PTPN18: variants seen among roughly 807,000 people sequenced by gnomAD.
PTPN18 encodes tyrosine-protein phosphatase non-receptor type 18.
In PTPN18, 65 loss-of-function variants were observed where a neutral mutation model predicts 65.4. That is an observed-to-expected ratio of 0.99 (90% CI 0.81 to 1.22). The LOEUF is 1.22. Ranked by LOEUF, PTPN18 falls within the 50% of genes most tolerant of loss-of-function variation. PTPN18 has a pLI of 0.00. For missense variants in PTPN18, 616 were observed against 646.5 expected, an observed-to-expected ratio of 0.95 and a Z score of 0.51; for synonymous variants, 255 against 267.8, an observed-to-expected ratio of 0.95 and a Z score of 0.47.
chr2:130,361,543 TTTC>T (rs1380959650), intron 5 of PTPN18, among the ~76,000 whole-genome samples: 1 of 146,748 alleles, frequency 6.8e-6, no homozygotes, highest in African/African-American at 2.6e-5. Flanking sequence ...TCTTTCTTTC[TTTC>T]TTTCTTTCTT....
intron 13 of PTPN18, 175 bp from the exon 14 acceptor site, chr2:130,372,698 A>G: frequency 1.0e-6 from 1 of 968,056 alleles, no homozygotes; most frequent in Non-Finnish European, 1.5e-6. Context: ...TCCTGGCAAT[A>G]CTTGTCTTGG....
intron 5 of PTPN18, among the ~76,000 whole-genome samples, chr2:130,364,548 G>T (rs539711540): frequency 1.8e-3 from 268 of 152,328 alleles, no homozygotes; most frequent in African/African-American, 6.3e-3. Context: ...TGTAATCCCA[G>T]CACTTTGGGA....
chr2:130,366,253 G>A (rs988684110), intron 5 of PTPN18, among the ~76,000 whole-genome samples: 1 of 152,166 alleles, frequency 6.6e-6, no homozygotes, highest in Admixed American at 6.5e-5. Flanking sequence ...TGACATTTTG[G>A]TACAGGCTAG....
intron 7 of PTPN18, 69 bp from the exon 8 acceptor site, chr2:130,369,979 G>A: frequency 6.3e-7 from 1 of 1,593,068 alleles, no homozygotes; most frequent in Non-Finnish European, 8.6e-7. Context: ...CTGGTGTATA[G>A]TAGATGGCCA....
chr2:130,367,776 T>C (rs2104944725), intron 5 of PTPN18, among the ~76,000 whole-genome samples: 2 of 152,334 alleles, frequency 1.3e-5, no homozygotes, highest in South Asian at 4.1e-4. Context: ...CTCTGGTTCA[T>C]TGACTTTCTT....
In PTPN18 at chr2:130,369,786, G is replaced by A. The variant is rs991476933; in HGVS notation, c.505G>A (p.Glu169Lys). The change falls in exon 7 of 15, where the codon GAG becomes AAG. Residue 169 changes from glutamate (E) to lysine (K), a missense_variant. Physicochemically the swap from Glu to Lys is moderately conservative, Grantham distance 56. Coordinates refer to ENST00000175756, the MANE Select transcript of PTPN18 (RefSeq NM_014369.4). ...ITLIKEKWLN[E>K]DIMLRTLKVT... The stretch of plus-strand genomic sequence containing the variant: ...TCAGATAAAGGAGAAGTGGCTGAAT[G>A]AGGACATCATGCTCAGGACCCTCAA... 10 of 1,604,616 alleles carry A rather than the reference G, an allele frequency of 6.2e-6. No homozygotes were observed. The highest frequency in any genetic ancestry group is 1.3e-5 in the African/African-American group (1 of 74,696).
At chr2:130,358,536 G>A (rs1048994714) in intron 1 of PTPN18, among the ~76,000 whole-genome samples, 13 of 152,142 alleles carry the variant, frequency 8.5e-5, no homozygotes, top group African/African-American at 3.1e-4. Flanking sequence ...CTCACCGTGT[G>A]ACTTCCTGGT....
Position 130,375,056 on chromosome 2 carries a change from GC to G in PTPN18, c.*1836del, listed in dbSNP as rs1680704372. ...GTGCCCCTACTCCCACTCTAGAGCT[GC>G]CCCGTTTCTCTGTTTTCGTGAAAGA... is the stretch of plus-strand genomic sequence containing the variant. On this transcript the variant is annotated 3_prime_UTR_variant, in exon 15 of 15. Transcript: ENST00000175756. 5.0e-6 allele frequency: 1 copy of G among 198,824 alleles called. No homozygotes were observed. The highest frequency in any genetic ancestry group is 2.3e-5 in the African/African-American group (1 of 43,166). 12.3% of individuals were successfully genotyped at this position (198,824 alleles called of 1,614,324 possible). A position where few individuals can be genotyped will look rare whatever the true frequency, so the allele number is the denominator to read the frequency against.
intron 5 of PTPN18, among the ~76,000 whole-genome samples, chr2:130,367,058 T>A (rs1441095934): frequency 8.5e-6 from 1 of 118,042 alleles, no homozygotes; most frequent in Non-Finnish European, 1.8e-5. Context: ...TAATTTTTTT[T>A]TTTTTTTTTT....
Position 130,373,813 on chromosome 2 carries a change from G to A in PTPN18, c.*589G>A, listed in dbSNP as rs1054360763. The A allele has an allele frequency of 6.5e-6, 1 of 153,720 alleles. No individual in the cohort carries two copies. The highest frequency in any genetic ancestry group is 2.4e-5 in the African/African-American group (1 of 41,450). The allele number at this position is 153,720 out of a possible 1,614,324, so 9.5% of individuals were successfully genotyped here. The stretch of plus-strand genomic sequence containing the variant: ...CCAGAGAGAGAGAGACCAGCCAACA[G>A]CTTGATAGACCAGTGCAGCCAGAGA... On this transcript the variant is annotated 3_prime_UTR_variant, in exon 15 of 15. Transcript: ENST00000175756. This position sits in a 1 kb window ranked among gnomAD's most constrained non-coding sequence, Gnocchi z 4.1.
intron 12 of PTPN18, among the ~76,000 whole-genome samples, chr2:130,371,625 G>GT (rs1680567426): frequency 6.6e-6 from 1 of 152,144 alleles, no homozygotes; most frequent in Non-Finnish European, 1.5e-5. Flanking sequence ...GACCAGCCTG[G>GT]TTAACATGGT....
chr2:130,358,782 C>T, intron 1 of PTPN18, 85 bp from the exon 2 acceptor site: 1 of 1,092,098 alleles, frequency 9.2e-7, no homozygotes, highest in Non-Finnish European at 1.4e-6. Flanking sequence ...TTGTATCCTG[C>T]AAGCGTGCCT....
chr2:130,362,850 C>T (rs904595368), intron 5 of PTPN18, among the ~76,000 whole-genome samples: 9 of 151,964 alleles, frequency 5.9e-5, no homozygotes, highest in South Asian at 2.1e-4. Context: ...GACGGAGCCT[C>T]GCTCTGTCCT....
Position 130,358,976 on chromosome 2 carries a change from G to T in PTPN18, c.202+1G>T, listed in dbSNP as rs1327380453. On this transcript the variant is annotated splice_donor_variant, in intron 2 of 14. Transcript: ENST00000175756. LOFTEE classifies it high-confidence loss of function. ...AACCGCTACAAAGACGTGCTGCCTT[G>T]TAAGTCGGGGCTTCCGTAGGGAGTC... The T allele has an allele frequency of 6.2e-7, 1 of 1,613,746 alleles. No individual in the cohort carries two copies. Among genetic ancestry groups the T allele is most frequent in the Non-Finnish European group, 8.5e-7 (1 of 1,179,674 alleles).
intron 5 of PTPN18, among the ~76,000 whole-genome samples, chr2:130,362,980 C>T (rs936080675): frequency 5.3e-5 from 8 of 151,820 alleles, no homozygotes; most frequent in Non-Finnish European, 7.4e-5. Flanking sequence ...CCACCACGCC[C>T]GGCTAATTTT....
At chr2:130,364,715 G>A (rs1680328336) in intron 5 of PTPN18, among the ~76,000 whole-genome samples, 1 of 152,226 alleles carries the variant, frequency 6.6e-6, no homozygotes, top group African/African-American at 2.4e-5. Flanking sequence ...AGAATGGTGT[G>A]AACCCATGAG....
At chr2:130,363,215 G>A (rs950181455) in intron 5 of PTPN18, among the ~76,000 whole-genome samples, 2 of 151,682 alleles carry the variant, frequency 1.3e-5, no homozygotes, top group East Asian at 2.0e-4. Context: ...TTGGGAGGCT[G>A]AGACTGGTGG....
intron 5 of PTPN18, among the ~76,000 whole-genome samples, chr2:130,365,155 C>G (rs1680340769): frequency 6.6e-6 from 1 of 152,190 alleles, no homozygotes; most frequent in African/African-American, 2.4e-5. Context: ...TACTGAGTAT[C>G]AATCATTTCC....
Position 130,374,793 on chromosome 2 carries a change from C to A in PTPN18, c.*1569C>A. 1 of 442,674 alleles carries A rather than the reference C, an allele frequency of 2.3e-6. No individual in the cohort carries two copies. The highest frequency in any genetic ancestry group is 4.6e-6 in the Non-Finnish European group (1 of 217,020). The allele number at this position is 442,674 out of a possible 1,614,324, so 27.4% of individuals were successfully genotyped here. A position where few individuals can be genotyped will look rare whatever the true frequency, so the allele number is the denominator to read the frequency against. ...TAGGGCTGGCCTTCCTCTGCCTCTG[C>A]CTGGCTGCATCCATGGTCGATCTCA... On this transcript the variant is annotated 3_prime_UTR_variant, in exon 15 of 15. Coordinates refer to ENST00000175756, the MANE Select transcript of PTPN18 (RefSeq NM_014369.4).
Sources: allele counts gnomAD v4.1 joint callset (sites outside exome capture counted in the v4.1 genomes callset), GRCh38; gene constraint gnomAD v4.1.1; non-coding constraint Gnocchi (gnomAD v3.1); transcripts MANE v1.5; gene names NCBI Gene and HGNC (gene_info 2026-07-23, HGNC 2026-07-21).